Variants in CLEC16A observed in about 807,000 individuals in gnomAD.
The protein encoded by CLEC16A is protein CLEC16A.
In CLEC16A, 51 loss-of-function variants were observed where a neutral mutation model predicts 109.5. The observed-to-expected ratio is 0.47, with a 90% CI of 0.37 to 0.59. The LOEUF is 0.59. Ranked by LOEUF, CLEC16A falls within the 20% of genes least tolerant of loss-of-function variation. The pLI, the probability that CLEC16A is intolerant of heterozygous loss-of-function variation, is 0.00. For synonymous variants in CLEC16A, 673 were observed against 564.2 expected, an observed-to-expected ratio of 1.19 and a Z score of -2.73; for missense variants, 1,339 against 1,394.0, an observed-to-expected ratio of 0.96 and a Z score of 0.63.
chr16:10,987,662 G>A (rs1468782334), intron 10 of CLEC16A, among the ~76,000 whole-genome samples: 1 of 152,220 alleles, frequency 6.6e-6, no homozygotes, highest in Non-Finnish European at 1.5e-5. Context: ...TATCGTTCAG[G>A]TTTGGGAAGA....
At chr16:10,996,919 A>G (rs909181813) in intron 10 of CLEC16A, among the ~76,000 whole-genome samples, 6 of 150,040 alleles carry the variant, frequency 4.0e-5, no homozygotes, top group African/African-American at 1.5e-4. Context: ...CATTACAGCA[A>G]TCCAACTTCA....
At chr16:11,173,089 T>C (rs2068593129) in intron 23 of CLEC16A, among the ~76,000 whole-genome samples, 1 of 152,042 alleles carries the variant, frequency 6.6e-6, no homozygotes, top group Non-Finnish European at 1.5e-5. Context: ...CACCTCCCAT[T>C]TGGGCCAACT....
chr16:11,109,019 G>A (rs902752766), intron 19 of CLEC16A, among the ~76,000 whole-genome samples: 1 of 150,010 alleles, frequency 6.7e-6, no homozygotes, highest in African/African-American at 2.5e-5. Context: ...GCTGAGGCAG[G>A]AGAATGGCAT....
intron 23 of CLEC16A, among the ~76,000 whole-genome samples, chr16:11,170,412 G>C (rs1188629333): frequency 6.6e-6 from 1 of 152,194 alleles, no homozygotes; most frequent in African/African-American, 2.4e-5. Context: ...GCTCAGTTGG[G>C]TTTTCCGCCT....
rs572126836 is a variant in CLEC16A, at chr16:10,975,212, C to A, written c.729-2013C>A. ...GACATGGTAGTGCACCCCTGTAATC[C>A]CAGCTACCAGGGAGGTCAAGGCAAG... On this transcript the variant is annotated intron_variant, in intron 7 of 23. Transcript: ENST00000409790. Among the ~76,000 whole-genome samples the A allele has an allele frequency of 3.9e-5, 6 of 152,146 alleles. No homozygotes were observed. The East Asian group carries it at 7.7e-4, about 20-fold the overall frequency.
intron 19 of CLEC16A, among the ~76,000 whole-genome samples, chr16:11,119,394 CTTT>C (rs1163469831): frequency 6.6e-6 from 1 of 152,044 alleles, no homozygotes; most frequent in African/African-American, 2.4e-5. Context: ...CAGCTTTGCT[CTTT>C]TTTTGTTTGT....
intron 19 of CLEC16A, among the ~76,000 whole-genome samples, chr16:11,106,436 G>C (rs929333431): frequency 6.7e-6 from 1 of 150,208 alleles, no homozygotes; most frequent in Non-Finnish European, 1.5e-5. Flanking sequence ...TTACAGGTGT[G>C]AGCCACCACA....
chr16:11,045,078 T>C (rs1247373105), intron 16 of CLEC16A, among the ~76,000 whole-genome samples: 1 of 152,102 alleles, frequency 6.6e-6, no homozygotes, highest in Non-Finnish European at 1.5e-5. Flanking sequence ...TGGTGGCTCA[T>C]GCCTATAATC....
chr16:11,100,931 C>T (rs961583658), intron 19 of CLEC16A, among the ~76,000 whole-genome samples: 1 of 152,124 alleles, frequency 6.6e-6, no homozygotes, highest in Non-Finnish European at 1.5e-5. Context: ...CTTTCAGTTA[C>T]TGCTTTATGG....
chr16:10,953,425 G>A (rs536865123), intron 1 of CLEC16A, among the ~76,000 whole-genome samples: 181 of 152,336 alleles, frequency 1.2e-3, no homozygotes, highest in African/African-American at 4.2e-3. Context: ...AACTTTGTTA[G>A]AAGTAAAAAG....
At chr16:11,040,202 A>G (rs184039965) in intron 14 of CLEC16A, 402 of 284,242 alleles carry the variant, frequency 1.4e-3, no homozygotes, top group African/African-American at 8.2e-3. Flanking sequence ...AGGTAATATT[A>G]TGAGAAAGAA....
intron 19 of CLEC16A, among the ~76,000 whole-genome samples, chr16:11,063,400 A>G (rs903811224): frequency 6.6e-6 from 1 of 151,152 alleles, no homozygotes; most frequent in African/African-American, 2.4e-5. Context: ...TATACAAAAT[A>G]CAGGTGAAGG....
intron 2 of CLEC16A, among the ~76,000 whole-genome samples, chr16:10,958,661 T>A (rs2042106513): frequency 6.6e-6 from 1 of 152,166 alleles, no homozygotes; most frequent in Non-Finnish European, 1.5e-5. Flanking sequence ...CCCAGCACTT[T>A]GGGAGGCTGA....
Position 10,982,881 on chromosome 16 carries a change from T to A in CLEC16A, c.961T>A (p.Phe321Ile). The A allele has an allele frequency of 3.8e-6, 6 of 1,582,496 alleles. No individual in the cohort carries two copies. The highest frequency in any genetic ancestry group is 5.2e-6 in the Non-Finnish European group (6 of 1,151,514). ...CCGTTTCTTTTTTTTCCGCCAGGTC[T>A]TCTTAATTATACATCATGCACCGCT... ...PVSLYLLSQV[F>I]LIIHHAPLVN... Residue 321 changes from phenylalanine (F) to isoleucine (I), a missense_variant, in exon 10 of 24, where the codon TTC becomes ATC. Around this residue, in one of 3 missense-constraint regions of CLEC16A, gnomAD observed 1,061 missense variants for 1,006.8 expected, o/e 1.05. Coordinates refer to ENST00000409790, the MANE Select transcript of CLEC16A (RefSeq NM_015226.3).
chr16:11,048,955 C>G (rs1181195679), intron 17 of CLEC16A, among the ~76,000 whole-genome samples: 1 of 152,026 alleles, frequency 6.6e-6, no homozygotes, highest in South Asian at 2.1e-4. Context: ...TGCTCAGTGT[C>G]TGCTTTTGAC....
At chr16:11,084,821 C>G (rs989000914) in intron 19 of CLEC16A, among the ~76,000 whole-genome samples, 1 of 152,200 alleles carries the variant, frequency 6.6e-6, no homozygotes, top group Non-Finnish European at 1.5e-5. Context: ...CAGCGCCTCT[C>G]GAAGACACTG....
At chr16:10,990,930 T>A (rs1349931071) in intron 10 of CLEC16A, among the ~76,000 whole-genome samples, 1 of 152,218 alleles carries the variant, frequency 6.6e-6, no homozygotes, top group Non-Finnish European at 1.5e-5. Flanking sequence ...ATTTTTAACC[T>A]GATTTTGAGT....
At chr16:11,000,859 G>C (rs1349735365) in intron 10 of CLEC16A, among the ~76,000 whole-genome samples, 2 of 152,146 alleles carry the variant, frequency 1.3e-5, no homozygotes, top group Non-Finnish European at 2.9e-5. Flanking sequence ...TTATTGGCAA[G>C]GTACGGTGTT....
intron 19 of CLEC16A, among the ~76,000 whole-genome samples, chr16:11,065,940 C>T (rs1313499967): frequency 1.3e-5 from 2 of 152,188 alleles, no homozygotes; most frequent in African/African-American, 4.8e-5. Context: ...ACATCTGTCC[C>T]AAACGGACAC....
Sources: allele counts gnomAD v4.1 joint callset (sites outside exome capture counted in the v4.1 genomes callset), GRCh38; gene constraint gnomAD v4.1.1; regional missense constraint gnomAD v4.1.1; transcripts MANE v1.5; gene names NCBI Gene and HGNC (gene_info 2026-07-23, HGNC 2026-07-21).